CPNE3: variants seen among roughly 807,000 people sequenced by gnomAD.
CPNE3 encodes copine 3, also known as copine-3.
A neutral mutation model predicts 63.9 loss-of-function variants in CPNE3; 68 were observed. The ratio of observed to expected loss-of-function variants is 1.06; its 90% confidence interval spans 0.87 to 1.30. CPNE3 has a LOEUF of 1.30. CPNE3 is among the 50% of genes most tolerant of loss of function. The pLI, the probability that CPNE3 is intolerant of heterozygous loss-of-function variation, is 0.00. For missense variants in CPNE3, 665 were observed against 578.1 expected, an observed-to-expected ratio of 1.15 and a Z score of -1.54; for synonymous variants, 219 against 197.5, an observed-to-expected ratio of 1.11 and a Z score of -0.91.
intron 2 of CPNE3, among the ~76,000 whole-genome samples, chr8:86,526,632 A>G (rs1270515857): frequency 6.6e-6 from 1 of 151,648 alleles, no homozygotes; most frequent in Non-Finnish European, 1.5e-5. Context: ...CCTACCTCAG[A>G]CTCCAGAGTA....
At position 86,554,856 on chromosome 8, in the gene CPNE3, C is replaced by T. The variant is rs1437282909; in HGVS notation, c.1126C>T (p.Gln376Ter). The part of the protein sequence containing the change: ...NPSNPYCNGI[Q>*]GIVEAYRSCL... ...TATTTGTTTGTTTGTTCTAGGAATC[C>T]AAGGCATTGTAGAGGCGTATCGGTC... The change falls in exon 15 of 17, where the codon CAA becomes TAA. Residue 376 changes from glutamine to a stop codon, truncating the protein, a stop_gained. Coordinates refer to ENST00000517490, the MANE Select transcript of CPNE3 (RefSeq NM_003909.5). LOFTEE classifies it high-confidence loss of function. The T allele has an allele frequency of 6.2e-7, 1 of 1,612,180 alleles. No individual in the cohort carries two copies. Among genetic ancestry groups the T allele is most frequent in the African/African-American group, 1.3e-5 (1 of 74,776 alleles).
chr8:86,515,935 G>A (rs1820294175), intron 2 of CPNE3, among the ~76,000 whole-genome samples: 1 of 152,142 alleles, frequency 6.6e-6, no homozygotes, highest in African/African-American at 2.4e-5. Context: ...GAAACGAAAA[G>A]GGAACTGAAA....
chr8:86,533,621 T>C (rs1229445184), intron 6 of CPNE3, among the ~76,000 whole-genome samples: 4 of 151,714 alleles, frequency 2.6e-5, no homozygotes, highest in Non-Finnish European at 5.9e-5. Context: ...AAAATTTAAA[T>C]ATATACAAAA....
At chr8:86,548,474 C>G (rs1180029325) in intron 12 of CPNE3, 40 bp downstream of exon 12, 3 of 1,611,780 alleles carry the variant, frequency 1.9e-6, no homozygotes, top group African/African-American at 2.7e-5. Flanking sequence ...CATGTTTTCA[C>G]AATTCCCCAG....
intron 6 of CPNE3, among the ~76,000 whole-genome samples, chr8:86,532,823 T>C (rs1022727060): frequency 9.2e-5 from 14 of 152,190 alleles, no homozygotes; most frequent in Non-Finnish European, 1.5e-5. Context: ...ATAGAAGCAT[T>C]AATGTTACTG....
At chr8:86,528,872 G>C in intron 3 of CPNE3, 73 bp from the exon 4 acceptor site, 1 of 1,386,862 alleles carries the variant, frequency 7.2e-7, no homozygotes, top group Non-Finnish European at 9.8e-7. Flanking sequence ...TTTATGTTTA[G>C]TATATAAAGA....
chr8:86,555,068 A>G (rs1821291347), intron 15 of CPNE3, 84 bp downstream of exon 15: 8 of 1,576,758 alleles, frequency 5.1e-6, no homozygotes, highest in Admixed American at 1.8e-5. Flanking sequence ...TTGGTTTGTC[A>G]TAATACAAAG....
chr8:86,545,286 C>T (rs552064246), intron 9 of CPNE3: 14 of 152,838 alleles, frequency 9.2e-5, no homozygotes, highest in Non-Finnish European at 1.9e-4. Flanking sequence ...GCAACCAATG[C>T]AGGGCAGTTG....
intron 2 of CPNE3, among the ~76,000 whole-genome samples, chr8:86,526,661 T>C (rs1413740666): frequency 8.6e-5 from 13 of 152,046 alleles, no homozygotes; most frequent in Admixed American, 8.5e-4. Flanking sequence ...CACAGGCTCA[T>C]GCCACCACAC....
intron 14 of CPNE3, 49 bp downstream of exon 14, chr8:86,551,283 T>G (rs1008011573): frequency 8.1e-7 from 1 of 1,232,216 alleles, no homozygotes; most frequent in Non-Finnish European, 1.2e-6. Flanking sequence ...GGCTCACTAG[T>G]CTTTGTTATT....
intron 8 of CPNE3, among the ~76,000 whole-genome samples, chr8:86,541,474 C>T (rs1200580391): frequency 1.3e-5 from 2 of 152,052 alleles, no homozygotes; most frequent in Non-Finnish European, 2.9e-5. Flanking sequence ...GAGGCCGAGG[C>T]GGGCAAATTG....
At chr8:86,530,353 T>TAG (rs1227186530) in intron 4 of CPNE3, among the ~76,000 whole-genome samples, 8 of 151,926 alleles carry the variant, frequency 5.3e-5, no homozygotes, top group Non-Finnish European at 1.2e-4. Context: ...TATTATTTTG[T>TAG]AGAGACAGGT....
Position 86,558,626 on chromosome 8 carries a change from T to TAATG in CPNE3, c.*216_*217insAATG. The TAATG allele has an allele frequency of 2.1e-6, 1 of 473,784 alleles. No homozygotes were observed. Among genetic ancestry groups the TAATG allele is most frequent in the Non-Finnish European group, 3.8e-6 (1 of 262,178 alleles). 29.3% of individuals were successfully genotyped at this position (473,784 alleles called of 1,614,324 possible). On this transcript the variant is annotated 3_prime_UTR_variant, in exon 17 of 17. Transcript: ENST00000517490. Reference sequence around the variant, plus strand: ...AGTCAATTCAGTGATTGATAGCAATTTACATTAATTGCAGTAAAGCTCTTT... The same window carrying TAATG: ...AGTCAATTCAGTGATTGATAGCAATTAATGTACATTAATTGCAGTAAAGCTCTTT...
At chr8:86,550,948 C>CT (rs1821159761) in intron 12 of CPNE3, 98 bp from the exon 13 acceptor site, 1 of 1,211,398 alleles carries the variant, frequency 8.3e-7, no homozygotes, top group Non-Finnish European at 1.1e-6. Flanking sequence ...TATCTTCATA[C>CT]TTTTTGAAAT....
At chr8:86,553,621 T>C (rs546527117) in intron 14 of CPNE3, among the ~76,000 whole-genome samples, 1 of 152,192 alleles carries the variant, frequency 6.6e-6, no homozygotes, top group Admixed American at 6.5e-5. Context: ...TGAAATCACC[T>C]AACGATGCAT....
chr8:86,554,686 A>G (rs1821272810), intron 14 of CPNE3, among the ~76,000 whole-genome samples, 165 bp from the exon 15 acceptor site: 1 of 152,210 alleles, frequency 6.6e-6, no homozygotes, highest in Non-Finnish European at 1.5e-5. Flanking sequence ...GATCATACCT[A>G]TGGAGTTATG....
intron 2 of CPNE3, among the ~76,000 whole-genome samples, chr8:86,518,685 T>C (rs920648722): frequency 1.3e-5 from 2 of 152,198 alleles, no homozygotes; most frequent in African/African-American, 4.8e-5. Context: ...GTTAGTAAGT[T>C]CTTATTTTTA....
At chr8:86,519,687 T>A (rs1563683489) in intron 2 of CPNE3, among the ~76,000 whole-genome samples, 1 of 152,216 alleles carries the variant, frequency 6.6e-6, no homozygotes, top group Non-Finnish European at 1.5e-5. Flanking sequence ...TGGAGAAGTT[T>A]CTAGATACAT....
intron 6 of CPNE3, among the ~76,000 whole-genome samples, 182 bp downstream of exon 6, chr8:86,532,762 C>G (rs1175009710): frequency 6.6e-6 from 1 of 152,100 alleles, no homozygotes; most frequent in African/African-American, 2.4e-5. Flanking sequence ...CTCTTCACCT[C>G]TTTCATCTAG....
Sources: allele counts gnomAD v4.1 joint callset (sites outside exome capture counted in the v4.1 genomes callset), GRCh38; gene constraint gnomAD v4.1.1; transcripts MANE v1.5; gene names NCBI Gene and HGNC (gene_info 2026-07-23, HGNC 2026-07-21).